The following NKAIN2 variants were observed in gnomAD, a reference collection of about 807,000 sequenced individuals.
NKAIN2 encodes the protein sodium/potassium-transporting ATPase subunit beta-1-interacting protein 2.
A neutral mutation model predicts 32.6 loss-of-function variants in NKAIN2; 14 were observed. The observed-to-expected ratio is 0.43, with a 90% confidence interval of 0.28 to 0.67. The LOEUF (loss-of-function observed/expected upper bound fraction) is 0.67. Ranked by LOEUF, NKAIN2 falls within the 30% of genes least tolerant of loss-of-function variation. The pLI, the probability that NKAIN2 is intolerant of heterozygous loss-of-function variation, is 0.17. For missense variants in NKAIN2, 198 were observed against 258.3 expected (o/e 0.77, Z 1.60); for synonymous variants, 80 against 87.2 (o/e 0.92, Z 0.46).
At chr6:124,261,331 A>G (rs906963052) in intron 1 of NKAIN2, among the ~76,000 whole-genome samples, 19 of 152,204 alleles carry the variant, frequency 1.2e-4, no homozygotes, top group Admixed American at 1.1e-3. Flanking sequence ...CACAGCCTTA[A>G]CTGATCACTT....
rs375421754 is a variant in NKAIN2, at chr6:124,810,804, C to A, written c.536-7583C>A. On this transcript the variant is annotated intron_variant, in intron 5 of 6. Coordinates refer to ENST00000368417, the MANE Select transcript of NKAIN2 (RefSeq NM_001040214.3). ...TTTAGCTAATAAGTCTCATTTCATT[C>A]CATGTATGCTTCGCCTGCTCAAAGC... Among the ~76,000 whole-genome samples, 24 of 152,016 alleles carry A rather than the reference C, an allele frequency of 1.6e-4. No homozygotes were observed. In the South Asian group the frequency reaches 4.6e-3, roughly 29 times the overall value.
intron 3 of NKAIN2, among the ~76,000 whole-genome samples, chr6:124,375,625 A>G (rs1302545879): frequency 6.6e-6 from 1 of 151,942 alleles, no homozygotes; most frequent in Non-Finnish European, 1.5e-5. Flanking sequence ...ACAATAAAGA[A>G]CAAAACAAAA....
At chr6:124,073,290 G>A (rs910320489) in intron 1 of NKAIN2, among the ~76,000 whole-genome samples, 3 of 152,214 alleles carry the variant, frequency 2.0e-5, no homozygotes, top group Non-Finnish European at 4.4e-5. Context: ...AGGGAGGCCG[G>A]CACAGCGTGC....
chr6:124,355,407 T>A, intron 3 of NKAIN2, 60 bp downstream of exon 3: 1 of 908,392 alleles, frequency 1.1e-6, no homozygotes. Context: ...TCTTCCTAAG[T>A]AAGGCAGAGT....
At chr6:123,928,081 A>T (rs1582793815) in intron 1 of NKAIN2, among the ~76,000 whole-genome samples, 1 of 152,208 alleles carries the variant, frequency 6.6e-6, no homozygotes, top group Non-Finnish European at 1.5e-5. Context: ...AAAAGCACAG[A>T]ATAATGTCCT....
intron 1 of NKAIN2, among the ~76,000 whole-genome samples, chr6:124,142,955 C>T (rs1467269479): frequency 6.6e-6 from 1 of 152,160 alleles, no homozygotes; most frequent in Non-Finnish European, 1.5e-5. Context: ...ATCCAGATCT[C>T]TTCACTCTAA....
intron 1 of NKAIN2, among the ~76,000 whole-genome samples, chr6:124,221,374 G>T (rs867884394): frequency 6.9e-6 from 1 of 145,250 alleles, no homozygotes; most frequent in African/African-American, 2.5e-5. Flanking sequence ...CATGGACACA[G>T]GGAGGGGAAC....
At chr6:124,561,107 A>T (rs1366929437) in intron 3 of NKAIN2, among the ~76,000 whole-genome samples, 5 of 152,148 alleles carry the variant, frequency 3.3e-5, no homozygotes, top group Admixed American at 6.5e-5. Context: ...GGCACAGAGC[A>T]ACAGTGATGT....
At chr6:124,732,784 A>G (rs1366415154) in intron 4 of NKAIN2, among the ~76,000 whole-genome samples, 1 of 152,022 alleles carries the variant, frequency 6.6e-6, no homozygotes, top group Non-Finnish European at 1.5e-5. Flanking sequence ...AAAACTAAAC[A>G]TAATTTTACT....
At chr6:124,638,692 G>A (rs979434475) in intron 3 of NKAIN2, among the ~76,000 whole-genome samples, 10 of 151,912 alleles carry the variant, frequency 6.6e-5, no homozygotes, top group Non-Finnish European at 1.2e-4. Flanking sequence ...TCAGGAGATC[G>A]AGACCATCCT....
In NKAIN2 at chr6:124,497,824, T is replaced by TTA. The variant is rs1554217444; in HGVS notation, c.273+142477_273+142478insTA. Among the ~76,000 whole-genome samples the TTA allele has an allele frequency of 2.2e-4, 23 of 105,710 alleles. 1 individual carries two copies. The highest frequency in any genetic ancestry group is 6.8e-4 in the African/African-American group (19 of 27,992). 69.3% of individuals were successfully genotyped at this position (105,710 alleles called of 152,430 possible). ...TTAGATTTGTTTCTAGAGTAAGGGG[T>TTA]AAAAAAAAAAAAAAAAAAAAAGACA... On this transcript the variant is annotated intron_variant, in intron 3 of 6. Coordinates refer to ENST00000368417, the MANE Select transcript of NKAIN2 (RefSeq NM_001040214.3).
At chr6:124,046,203 T>C (rs1342289484) in intron 1 of NKAIN2, among the ~76,000 whole-genome samples, 2 of 152,024 alleles carry the variant, frequency 1.3e-5, no homozygotes, top group South Asian at 2.1e-4. Context: ...TTTACATATA[T>C]ATGCAGTATG....
At chr6:124,430,609 A>G (rs1481823074) in intron 3 of NKAIN2, among the ~76,000 whole-genome samples, 2 of 152,144 alleles carry the variant, frequency 1.3e-5, no homozygotes, top group Non-Finnish European at 2.9e-5. Flanking sequence ...GGTTTCTCCA[A>G]CATGGTAGCT....
chr6:124,576,890 G>A (rs1406955263), intron 3 of NKAIN2, among the ~76,000 whole-genome samples: 1 of 152,078 alleles, frequency 6.6e-6, no homozygotes, highest in East Asian at 1.9e-4. Context: ...AAACAGAGAA[G>A]AAAACTTCAT....
At chr6:124,500,003 A>G (rs1011295449) in intron 3 of NKAIN2, among the ~76,000 whole-genome samples, 5 of 152,218 alleles carry the variant, frequency 3.3e-5, no homozygotes, top group African/African-American at 1.2e-4. Flanking sequence ...TGTGCAATAA[A>G]TATTACCAAT....
At chr6:124,268,519 C>G (rs1003823357) in intron 1 of NKAIN2, among the ~76,000 whole-genome samples, 3 of 151,912 alleles carry the variant, frequency 2.0e-5, no homozygotes, top group Non-Finnish European at 4.4e-5. Context: ...ATGCTGAGCA[C>G]TATGTGAAGT....
At chr6:123,969,995 A>G (rs1429610889) in intron 1 of NKAIN2, among the ~76,000 whole-genome samples, 1 of 152,224 alleles carries the variant, frequency 6.6e-6, no homozygotes, top group Non-Finnish European at 1.5e-5. Context: ...GGACAAATGC[A>G]TAAACTAGAT....
At chr6:124,764,752 T>C (rs1778435210) in intron 4 of NKAIN2, among the ~76,000 whole-genome samples, 3 of 152,290 alleles carry the variant, frequency 2.0e-5, no homozygotes, top group African/African-American at 7.2e-5. Flanking sequence ...TCACTTGAAG[T>C]TGACTATAAA....
Position 124,186,553 on chromosome 6 carries a change from G to A in NKAIN2, c.55-96452G>A, listed in dbSNP as rs73562467. On this transcript the variant is annotated intron_variant, in intron 1 of 6. Transcript: ENST00000368417. Reference sequence around the variant, plus strand: ...GAGCTTATGACCCTTAAGGAAATTCGATGAAACTATGCAGGTTTATGACAG... The same window carrying A: ...GAGCTTATGACCCTTAAGGAAATTCAATGAAACTATGCAGGTTTATGACAG... 5.5e-3 allele frequency among the ~76,000 whole-genome samples: 840 copies of A among 152,254 alleles called. 7 individuals are homozygous for A. Among genetic ancestry groups the A allele is most frequent in the African/African-American group, 0.019 (775 of 41,544 alleles).
Sources: allele counts gnomAD v4.1 joint callset (sites outside exome capture counted in the v4.1 genomes callset), GRCh38; gene constraint gnomAD v4.1.1; transcripts MANE v1.5; gene names NCBI Gene and HGNC (gene_info 2026-07-23, HGNC 2026-07-21).